Variants in TLCD4 observed in about 807,000 individuals in gnomAD.
TLCD4 encodes the protein TLC domain containing 4.
TLCD4 carries 7 observed loss-of-function variants against 24.2 expected under a neutral mutation model. The observed-to-expected ratio is 0.29, with a 90% CI of 0.16 to 0.54. The LOEUF (loss-of-function observed/expected upper bound fraction) is 0.54. Ranked by LOEUF, TLCD4 falls within the 20% of genes least tolerant of loss-of-function variation. TLCD4 has a pLI of 0.95. For synonymous variants in TLCD4, 103 were observed against 106.4 expected (o/e 0.97, Z 0.20); for missense variants, 259 against 313.9 (o/e 0.82, Z 1.32).
Position 95,150,001 on chromosome 1 carries a change from A to G in TLCD4, c.246-207A>G, listed in dbSNP as rs567277177. 2.6e-5 allele frequency among the ~76,000 whole-genome samples: 4 copies of G among 152,260 alleles called. No homozygotes were observed. In the South Asian group the frequency reaches 8.3e-4, roughly 32 times the overall value. On this transcript the variant is annotated intron_variant, in intron 3 of 6. Transcript: ENST00000370203. ...ACTATGTAAGATAACAGCAGTAGTT[A>G]CCTTACTGCTAACACCAGTACCACA...
At chr1:95,122,511 G>C (rs182473250) in intron 1 of TLCD4, among the ~76,000 whole-genome samples, 5 of 152,248 alleles carry the variant, frequency 3.3e-5, no homozygotes, top group Admixed American at 1.3e-4. Flanking sequence ...TCTTACCTTA[G>C]TTGATGTTTT....
chr1:95,165,689 G>C (rs7555116), intron 5 of TLCD4, among the ~76,000 whole-genome samples: 67,425 of 151,940 alleles, frequency 0.44, 16,419 homozygotes, highest in Middle Eastern at 0.58. Context: ...TGGTCTCAAA[G>C]TCCTGACCTC....
At chr1:95,167,073 C>T (rs1678041247) in intron 5 of TLCD4, among the ~76,000 whole-genome samples, 1 of 151,880 alleles carries the variant, frequency 6.6e-6, no homozygotes, top group African/African-American at 2.4e-5. Flanking sequence ...TTGAGTGCCG[C>T]ATACTGATGG....
the TLCD4 span, among the ~76,000 whole-genome samples, chr1:95,101,410 A>AGTGTGTGTGT: frequency 0.015 from 2,163 of 142,724 alleles, 29 homozygotes; most frequent in Non-Finnish European, 0.022. Flanking sequence ...GACTAATTAA[A>AGTGTGTGTGT]GTGTGTGTGT....
chr1:95,183,836 A>G (rs7547199), intron 6 of TLCD4, among the ~76,000 whole-genome samples: 60,479 of 151,876 alleles, frequency 0.4, 13,401 homozygotes, highest in East Asian at 0.62. Flanking sequence ...GACTGTCTCA[A>G]AAAACAACAA....
rs187448686 is a variant in TLCD4 at position 95,148,682 on chromosome 1, T to A, written c.156-20T>A. The A allele has an allele frequency of 4.0e-5, 65 of 1,611,916 alleles. 1 individual carries two copies. The Admixed American group carries it at 9.7e-4, about 24-fold the overall frequency. ...TTGCAAAGAATCTAAAATCTTTGTG[T>A]GTATTTTGTTTAATTTCAGGGTAGT... On this transcript the variant is annotated intron_variant, in intron 2 of 6. Coordinates refer to ENST00000370203, the MANE Select transcript of TLCD4 (RefSeq NM_152487.3).
chr1:95,137,691 TTCC>T (rs1293362973), intron 1 of TLCD4, among the ~76,000 whole-genome samples: 5 of 151,750 alleles, frequency 3.3e-5, no homozygotes, highest in African/African-American at 7.3e-5. Flanking sequence ...CTGTCCTTCT[TTCC>T]TCCTCCTCTT....
intron 5 of TLCD4, among the ~76,000 whole-genome samples, chr1:95,159,166 C>T (rs1677713217): frequency 6.6e-6 from 1 of 152,158 alleles, no homozygotes; most frequent in East Asian, 1.9e-4. Context: ...CTCTCCAGCA[C>T]CTGTTGTTTC....
At chr1:95,132,023 C>T (rs1676909070) in intron 1 of TLCD4, among the ~76,000 whole-genome samples, 1 of 152,212 alleles carries the variant, frequency 6.6e-6, no homozygotes, top group African/African-American at 2.4e-5. Context: ...TCTCTTTACA[C>T]ATACCTGCTT....
chr1:95,101,760 C>T, the TLCD4 span, among the ~76,000 whole-genome samples: 9 of 152,262 alleles, frequency 5.9e-5, no homozygotes, highest in South Asian at 1.7e-3. Context: ...GCAAGATATA[C>T]ATTTGCTTAA....
chr1:95,143,375 G>A (rs1677257725), intron 1 of TLCD4, among the ~76,000 whole-genome samples: 1 of 152,052 alleles, frequency 6.6e-6, no homozygotes, highest in African/African-American at 2.4e-5. Context: ...TGTTTTAAAT[G>A]TTGTTTGTCC....
chr1:95,136,758 C>T (rs1312632621), intron 1 of TLCD4, among the ~76,000 whole-genome samples: 3 of 152,168 alleles, frequency 2.0e-5, no homozygotes, highest in Non-Finnish European at 4.4e-5. Flanking sequence ...ATTCTCCAAT[C>T]TACCAGGATT....
At chr1:95,130,917 T>C (rs138460099) in intron 1 of TLCD4, among the ~76,000 whole-genome samples, 1 of 152,340 alleles carries the variant, frequency 6.6e-6, no homozygotes, top group East Asian at 1.9e-4. Flanking sequence ...GAAGTCAGTA[T>C]ACTTTCATGC....
At chr1:95,127,483 G>T (rs914996355) in intron 1 of TLCD4, among the ~76,000 whole-genome samples, 4 of 152,152 alleles carry the variant, frequency 2.6e-5, no homozygotes, top group Admixed American at 2.6e-4. Flanking sequence ...AAATATATTT[G>T]GGGAAAATCA....
chr1:95,115,565 C>A (rs1019261877), upstream of TLCD4, among the ~76,000 whole-genome samples: 2 of 152,154 alleles, frequency 1.3e-5, no homozygotes, highest in African/African-American at 2.4e-5. Flanking sequence ...ATAGCTCAGG[C>A]CTTGTCCTTG....
chr1:95,126,882 C>A (rs1676751894), intron 1 of TLCD4, among the ~76,000 whole-genome samples: 1 of 152,194 alleles, frequency 6.6e-6, no homozygotes. Flanking sequence ...TTGGCAAGGC[C>A]AGCCCAGGTT....
At position 95,139,808 on chromosome 1, in the gene TLCD4, C is replaced by T. The variant is rs181856862; in HGVS notation, c.-11-4083C>T. On this transcript the variant is annotated intron_variant, in intron 1 of 6. Transcript: ENST00000370203. ...ATCTGAAAACAAACCCATTGTATGG[C>T]TGTAGAAAAAGATTTTCTTTATATC... Among the ~76,000 whole-genome samples, 11 of 152,286 alleles carry T rather than the reference C, an allele frequency of 7.2e-5. No individual in the cohort carries two copies. In the East Asian group the frequency reaches 1.9e-3, roughly 27 times the overall value.
At chr1:95,113,805 A>C (rs1378873418), upstream of TLCD4, among the ~76,000 whole-genome samples, 1 of 152,140 alleles carries the variant, frequency 6.6e-6, no homozygotes, top group Admixed American at 6.5e-5. Context: ...AGTCTCAGCT[A>C]TTTAAGAGGC....
At chr1:95,132,972 C>A (rs1477004030) in intron 1 of TLCD4, among the ~76,000 whole-genome samples, 1 of 151,862 alleles carries the variant, frequency 6.6e-6, no homozygotes, top group Admixed American at 6.6e-5. Context: ...TGGATGGGGA[C>A]AACAGTGGAG....
Sources: allele counts gnomAD v4.1 joint callset (sites outside exome capture counted in the v4.1 genomes callset), GRCh38; gene constraint gnomAD v4.1.1; transcripts MANE v1.5; gene names NCBI Gene and HGNC (gene_info 2026-07-23, HGNC 2026-07-21).